The following DPP10 variants were observed in gnomAD, a reference collection of about 807,000 sequenced individuals.
The protein encoded by DPP10 is dipeptidyl peptidase like 10.
In DPP10, 33 loss-of-function variants were observed where a neutral mutation model predicts 120.9. The observed-to-expected ratio is 0.27, with a 90% confidence interval of 0.21 to 0.37. The LOEUF (loss-of-function observed/expected upper bound fraction) is 0.37. DPP10 is among the 10% of genes least tolerant of loss of function. The probability of loss-of-function intolerance (pLI) is 1.00; values close to 1 mark genes in which losing one functional copy is unlikely to be tolerated. For missense variants in DPP10, 816 were observed against 942.8 expected (o/e 0.87, Z 1.76); for synonymous variants, 337 against 326.1 (o/e 1.03, Z -0.36).
chr2:115,491,902 C>T (rs2076146073), intron 3 of DPP10, among the ~76,000 whole-genome samples: 1 of 152,186 alleles, frequency 6.6e-6, no homozygotes, highest in East Asian at 1.9e-4. Context: ...GATCAAGTGT[C>T]AAAGGCAGGA....
intron 8 of DPP10, among the ~76,000 whole-genome samples, chr2:115,736,472 C>CT (rs1419355728): frequency 6.6e-6 from 1 of 151,852 alleles, no homozygotes; most frequent in Non-Finnish European, 1.5e-5. Flanking sequence ...AAAATATTTC[C>CT]TTTTTTGAGA....
chr2:115,609,350 G>T (rs990532139), intron 5 of DPP10, among the ~76,000 whole-genome samples: 1 of 152,012 alleles, frequency 6.6e-6, no homozygotes, highest in African/African-American at 2.4e-5. Context: ...GAAAAAAAAG[G>T]ATGAAAATCA....
intron 1 of DPP10, among the ~76,000 whole-genome samples, chr2:114,998,442 T>A (rs1701236053): frequency 6.6e-6 from 1 of 152,170 alleles, no homozygotes; most frequent in African/African-American, 2.4e-5. Flanking sequence ...TAGTTGCAAG[T>A]AATAATTTTT....
intron 1 of DPP10, among the ~76,000 whole-genome samples, chr2:114,741,065 A>C (rs1182699720): frequency 6.6e-6 from 1 of 152,176 alleles, no homozygotes; most frequent in African/African-American, 2.4e-5. Flanking sequence ...TAATTTTACA[A>C]GGTAATTTTA....
At chr2:114,909,545 A>C (rs1694210419) in intron 1 of DPP10, among the ~76,000 whole-genome samples, 1 of 152,022 alleles carries the variant, frequency 6.6e-6, no homozygotes, top group African/African-American at 2.4e-5. Context: ...CTTGGGAAAA[A>C]TCTTGCCATT....
At chr2:114,605,213 C>T (rs993042740) in intron 1 of DPP10, among the ~76,000 whole-genome samples, 1 of 152,030 alleles carries the variant, frequency 6.6e-6, no homozygotes, top group African/African-American at 2.4e-5. Context: ...TGACTGGAAA[C>T]TTAAGCATCT....
At chr2:114,581,519 A>G (rs1297961097) in intron 1 of DPP10, among the ~76,000 whole-genome samples, 2 of 152,138 alleles carry the variant, frequency 1.3e-5, no homozygotes, top group African/African-American at 4.8e-5. Context: ...ACATGCAGAT[A>G]GGTTCTGTCC....
intron 13 of DPP10, among the ~76,000 whole-genome samples, chr2:115,773,047 C>T (rs369572739): frequency 2.6e-5 from 4 of 152,084 alleles, no homozygotes; most frequent in African/African-American, 9.7e-5. Context: ...ACAGCATGCC[C>T]CCAATCCACA....
chr2:114,658,196 G>C (rs946935229), intron 1 of DPP10, among the ~76,000 whole-genome samples: 1 of 152,172 alleles, frequency 6.6e-6, no homozygotes, highest in Non-Finnish European at 1.5e-5. Flanking sequence ...ATTTCATTAA[G>C]AGACTACCAT....
chr2:114,691,539 G>T (rs1189010468), intron 1 of DPP10, among the ~76,000 whole-genome samples: 1 of 152,042 alleles, frequency 6.6e-6, no homozygotes, highest in African/African-American at 2.4e-5. Context: ...TTTTGGTTGT[G>T]TCTCTGCCAG....
chr2:115,364,674 G>A (rs1448325243), intron 3 of DPP10, among the ~76,000 whole-genome samples: 1 of 145,876 alleles, frequency 6.9e-6, no homozygotes, highest in Non-Finnish European at 1.5e-5. Flanking sequence ...TTTATGCTTA[G>A]CAATGTTTGG....
intron 1 of DPP10, among the ~76,000 whole-genome samples, chr2:114,521,385 A>G (rs1174679428): frequency 1.3e-5 from 2 of 152,094 alleles, no homozygotes; most frequent in Non-Finnish European, 2.9e-5. Context: ...CTAAAGGATT[A>G]AGAAAGACAA....
chr2:114,575,130 G>A (rs570930061), intron 1 of DPP10, among the ~76,000 whole-genome samples: 1 of 152,238 alleles, frequency 6.6e-6, no homozygotes, highest in African/African-American at 2.4e-5. Flanking sequence ...ATTTGATGAC[G>A]CTGAAAATGG....
At chr2:115,768,852 A>G (rs1681110597) in intron 13 of DPP10, among the ~76,000 whole-genome samples, 1 of 152,068 alleles carries the variant, frequency 6.6e-6, no homozygotes, top group South Asian at 2.1e-4. Context: ...GCACATCCCC[A>G]CAAGCAAATA....
chr2:114,750,042 T>C (rs1236704636), intron 1 of DPP10, among the ~76,000 whole-genome samples: 1 of 152,214 alleles, frequency 6.6e-6, no homozygotes, highest in Non-Finnish European at 1.5e-5. Context: ...TTCTAAGTTT[T>C]TTCCCTTGTG....
At chr2:115,171,477 A>G (rs1221835064) in intron 1 of DPP10, among the ~76,000 whole-genome samples, 2 of 152,098 alleles carry the variant, frequency 1.3e-5, no homozygotes, top group African/African-American at 4.8e-5. Flanking sequence ...ATGATAAATG[A>G]TGATAACATT....
intron 1 of DPP10, among the ~76,000 whole-genome samples, chr2:114,720,193 G>A (rs747345896): frequency 3.3e-5 from 5 of 152,162 alleles, no homozygotes; most frequent in African/African-American, 9.7e-5. Flanking sequence ...GAGAACTTGC[G>A]AAAATTCTGA....
intron 1 of DPP10, among the ~76,000 whole-genome samples, chr2:114,930,430 C>A (rs999839577): frequency 1.3e-5 from 2 of 152,162 alleles, no homozygotes; most frequent in Non-Finnish European, 2.9e-5. Flanking sequence ...TACCTTAGAA[C>A]AGCATTCTTA....
intron 1 of DPP10, among the ~76,000 whole-genome samples, chr2:115,242,149 G>T (rs1174662005): frequency 6.6e-6 from 1 of 151,944 alleles, no homozygotes; most frequent in East Asian, 1.9e-4. Context: ...TATCCCTCAT[G>T]CTCTTCCCAC....
Sources: allele counts gnomAD v4.1 joint callset (sites outside exome capture counted in the v4.1 genomes callset), GRCh38; gene constraint gnomAD v4.1.1; transcripts MANE v1.5; gene names NCBI Gene and HGNC (gene_info 2026-07-23, HGNC 2026-07-21).